The following F5 variants were observed in gnomAD, a reference collection of about 807,000 sequenced individuals.
The protein encoded by F5 is activated protein c cofactor.
Under a neutral mutation model 216.4 loss-of-function variants are expected in F5, and 138 were observed. The ratio of observed to expected loss-of-function variants is 0.64; its 90% CI spans 0.56 to 0.73. The LOEUF is 0.73. Ranked by LOEUF, F5 falls within the 30% of genes least tolerant of loss-of-function variation. The pLI is 0.00. For synonymous variants in F5, 916 were observed against 930.7 expected (o/e 0.98, Z 0.29); for missense variants, 2,403 against 2,674.0 (o/e 0.90, Z 2.24).
Position 169,541,769 on chromosome 1 carries a change from G to C in F5, c.3321C>G (p.Asp1107Glu). The C allele has an allele frequency of 6.2e-7, 1 of 1,614,028 alleles. No homozygotes were observed. The highest frequency in any genetic ancestry group is 8.5e-7 in the Non-Finnish European group (1 of 1,179,990). Residue 1107 changes from aspartate to glutamate, a missense_variant, in exon 13 of 25, where the codon GAC (aspartate) becomes GAG (glutamate). This residue lies in a region of F5 where 1,425 missense variants were observed against 1,554.8 expected (regional missense o/e 0.92). Coordinates refer to ENST00000367797, the MANE Select transcript of F5 (RefSeq NM_000130.5). ...LPDHNQNSSN[D>E]TGQASCPPGL... ...CTGGAGGACAGCTTGCCTGACCAGT[G>C]TCATTTGAGGAATTCTGATTATGGT...
Position 169,541,001 on chromosome 1 carries a change from A to G in F5, c.4089T>C (p.His1363=). Residue 1363 remains histidine, a synonymous_variant, in exon 13 of 25, where the codon CAT becomes CAC. Coordinates refer to ENST00000367797, the MANE Select transcript of F5 (RefSeq NM_000130.5). ...GGCTGAGGTCTAGAGAAAGGGTTGT[A>G]TGGCTGGGGTCTGGAGAAAGGGGCA... ...GQMPLSPDPS[H]TTLSLDLSQT... The G allele has an allele frequency of 6.3e-7, 1 of 1,588,188 alleles. No homozygotes were observed. Among genetic ancestry groups the G allele is most frequent in the Non-Finnish European group, 8.6e-7 (1 of 1,162,222 alleles).
intron 11 of F5, among the ~76,000 whole-genome samples, chr1:169,544,886 G>A (rs975288524): frequency 6.6e-6 from 1 of 152,080 alleles, no homozygotes; most frequent in African/African-American, 2.4e-5. Context: ...TTAGTCATTG[G>A]GTAAGAAGTA....
chr1:169,576,005 G>A (rs1427345362), intron 2 of F5, among the ~76,000 whole-genome samples: 1 of 152,092 alleles, frequency 6.6e-6, no homozygotes, highest in Non-Finnish European at 1.5e-5. Context: ...CTTGGAAGAT[G>A]CTACTCAGCT....
intron 22 of F5, among the ~76,000 whole-genome samples, 193 bp from the exon 23 acceptor site, chr1:169,518,756 A>C (rs1401886554): frequency 6.6e-6 from 1 of 152,220 alleles, no homozygotes; most frequent in East Asian, 1.9e-4. Flanking sequence ...ATGCTCATAA[A>C]TATCTCCATT....
Position 169,536,499 on chromosome 1 carries a change from G to A in F5, c.4971+7C>T. On this transcript the variant is annotated splice_region_variant and intron_variant, in intron 14 of 24. Transcript: ENST00000367797. The stretch of plus-strand genomic sequence containing the variant: ...CCGAAGATCTTAGCAGTGCTCAAAA[G>A]ACTTACTTGGATAACATCATCCACT... The A allele has an allele frequency of 6.2e-7, 1 of 1,612,510 alleles. No individual in the cohort carries two copies. The highest frequency in any genetic ancestry group is 8.5e-7 in the Non-Finnish European group (1 of 1,178,894).
rs1342514609 is a variant in F5 at position 169,549,871 on chromosome 1, T to C, written c.1541A>G (p.Asp514Gly). The C allele has an allele frequency of 6.2e-7, 1 of 1,614,144 alleles. No homozygotes were observed. Among genetic ancestry groups the C allele is most frequent in the Non-Finnish European group, 8.5e-7 (1 of 1,179,996 alleles). The part of the protein sequence containing the change: ...PYYSDVDIMR[D>G]IASGLIGLLL... ...TAGTCCTATTAGCCCAGAGGCGATG[T>C]CTCTCATGATGTCCACGTCACTGTA... The change falls in exon 10 of 25, where the codon GAC becomes GGC. Residue 514 changes from aspartate (D) to glycine (G), a missense_variant. By Grantham distance (94) the Asp-to-Gly change is moderately conservative. Transcript: ENST00000367797.
At chr1:169,528,149 A>G in intron 16 of F5, 55 bp from the exon 17 acceptor site, 1 of 1,604,350 alleles carries the variant, frequency 6.2e-7, no homozygotes, top group Middle Eastern at 1.7e-4. Flanking sequence ...AGAGAGGGCG[A>G]GTGGTAAGGA....
chr1:169,583,908 G>A (rs1319978075), intron 1 of F5, among the ~76,000 whole-genome samples: 1 of 152,216 alleles, frequency 6.6e-6, no homozygotes, highest in African/African-American at 2.4e-5. Flanking sequence ...TACTTGGTAA[G>A]GTCATTGGTG....
Position 169,576,454 on chromosome 1 carries a change from A to G in F5, c.251-4111T>C, listed in dbSNP as rs116667289. Among the ~76,000 whole-genome samples the G allele has an allele frequency of 7.0e-3, 1,059 of 152,294 alleles. 14 individuals carry two copies. Among genetic ancestry groups the G allele is most frequent in the African/African-American group, 0.025 (1,024 of 41,550 alleles). ...AAGTTCAGTCCTTATTTTAGTTAAC[A>G]AAGCCTGGGAGGTAGGAATCGGGGG... is the stretch of plus-strand genomic sequence containing the variant. On this transcript the variant is annotated intron_variant, in intron 2 of 24. Coordinates refer to ENST00000367797, the MANE Select transcript of F5 (RefSeq NM_000130.5).
At chr1:169,566,331 C>G (rs1224206184) in intron 3 of F5, among the ~76,000 whole-genome samples, 1 of 152,060 alleles carries the variant, frequency 6.6e-6, no homozygotes, top group Non-Finnish European at 1.5e-5. Flanking sequence ...ACAAGCTCCC[C>G]TAAGGGCAAA....
intron 17 of F5, among the ~76,000 whole-genome samples, 193 bp from the exon 18 acceptor site, chr1:169,526,210 A>T (rs1207476585): frequency 6.6e-6 from 1 of 152,026 alleles, no homozygotes; most frequent in Non-Finnish European, 1.5e-5. Flanking sequence ...AGAGATAACT[A>T]AAAAAAATTT....
Position 169,572,287 on chromosome 1 carries a change from TA to T in F5, c.306del (p.Phe102LeufsTer9). 1.2e-6 allele frequency: 2 copies of T among 1,613,388 alleles called. No individual in the cohort carries two copies. The highest frequency in any genetic ancestry group is 1.7e-6 in the Non-Finnish European group (2 of 1,179,652). Reference sequence around the variant, plus strand: ...CTCAAGGGCTTATCTGCCTTATTTTTAAAGTGAACTTTTATGATGTCTCCGA... The same window carrying T: ...CTCAAGGGCTTATCTGCCTTATTTTTAAGTGAACTTTTATGATGTCTCCGA... The part of the protein sequence containing the change: ...AEVGDIIKVH[F>X]KNKADKPLSI... On this transcript the variant is annotated frameshift_variant, in exon 3 of 25. Coordinates refer to ENST00000367797, the MANE Select transcript of F5 (RefSeq NM_000130.5). LOFTEE classifies it high-confidence loss of function.
chr1:169,550,742 A>G lies in F5; in HGVS notation c.1297-3T>C. 1 of 1,602,624 alleles carries G rather than the reference A, an allele frequency of 6.2e-7. No individual in the cohort carries two copies. Among genetic ancestry groups the G allele is most frequent in the Middle Eastern group, 1.7e-4 (1 of 6,040 alleles). On this transcript the variant is annotated splice_region_variant and splice_polypyrimidine_tract_variant and intron_variant, in intron 8 of 24. Transcript: ENST00000367797. The stretch of plus-strand genomic sequence containing the variant: ...CTGGCCATATTTTTGAACACGATCT[A>G]CAAAGTTAAATCAAATTTATTCTAG...
At chr1:169,584,568 A>G (rs9332488) in intron 1 of F5, among the ~76,000 whole-genome samples, 4,580 of 152,312 alleles carry the variant, frequency 0.03, 228 homozygotes, top group African/African-American at 0.1. Context: ...TATTATATGA[A>G]ATAAGTAGAT....
intron 2 of F5, among the ~76,000 whole-genome samples, chr1:169,582,056 CAAT>C (rs1223477886): frequency 6.6e-6 from 1 of 152,182 alleles, no homozygotes; most frequent in Non-Finnish European, 1.5e-5. Flanking sequence ...ACCAGGTACT[CAAT>C]AACAGTTTTT....
At position 169,527,935 on chromosome 1, in the gene F5, C is replaced by T. The variant is rs750794150; in HGVS notation, c.5579G>A (p.Gly1860Glu). 1 of 1,613,620 alleles carries T rather than the reference C, an allele frequency of 6.2e-7. No homozygotes were observed. The highest frequency in any genetic ancestry group is 1.7e-5 in the Admixed American group (1 of 59,928). ...TTTACCAGGCAGAAGGGGCCAGACC[C>T]CTAACTGGTGCTGTTTATTGCCATT... ...LENGNKQHQL[G>E]VWPLLPGSFK... The change falls in exon 17 of 25, where the codon GGG becomes GAG. Residue 1860 changes from glycine to glutamate, a missense_variant. By Grantham distance (98) the Gly-to-Glu change is moderately conservative. This residue lies in a region of F5 where 659 missense variants were observed against 787.9 expected (regional missense o/e 0.84). Transcript: ENST00000367797.
chr1:169,565,001 C>T (rs537447613), intron 3 of F5, among the ~76,000 whole-genome samples: 10 of 152,172 alleles, frequency 6.6e-5, no homozygotes, highest in Non-Finnish European at 8.8e-5. Context: ...TCTTATCATA[C>T]GTCTTTTCTC....
intron 13 of F5, among the ~76,000 whole-genome samples, chr1:169,537,352 C>G (rs568375905): frequency 2.0e-4 from 31 of 152,084 alleles, no homozygotes; most frequent in Non-Finnish European, 4.0e-4. Flanking sequence ...TGTTTTGTAC[C>G]CTAAAAGTAG....
intron 2 of F5, among the ~76,000 whole-genome samples, chr1:169,578,288 G>A (rs893241765): frequency 5.3e-5 from 8 of 152,182 alleles, no homozygotes; most frequent in African/African-American, 1.4e-4. Context: ...ACAGAAAGGT[G>A]CAAAGGCCTT....
Sources: gnomAD v4.1 joint callset for allele counts (sites outside exome capture counted in the v4.1 genomes callset) on GRCh38, gnomAD v4.1.1 for gene constraint, gnomAD v4.1.1 regional missense constraint, MANE v1.5 for transcripts, NCBI Gene and HGNC (gene_info 2026-07-23, HGNC 2026-07-21) for gene names.